GOLGA6L26: variants seen among roughly 807,000 people sequenced by gnomAD.
GOLGA6L26 encodes golgin subfamily A member 6-like protein 26.
At chr15:23,332,809 CAGAA>C in the GOLGA6L26 span, among the ~76,000 whole-genome samples, 1 of 30,444 alleles carries the variant, frequency 3.3e-5, no homozygotes, top group Non-Finnish European at 6.4e-5. Context: ...GGGAATTTAA[CAGAA>C]AGAGGACAAC....
the GOLGA6L26 span, chr15:23,327,365 A>G: frequency 3.7e-6 from 3 of 815,928 alleles, no homozygotes; most frequent in South Asian, 3.2e-5. Context: ...CTGCTCCCTT[A>G]TCTTCTCCTC....
chr15:23,334,186 G>A, the GOLGA6L26 span: 24 of 297,976 alleles, frequency 8.1e-5, no homozygotes, highest in Non-Finnish European at 1.3e-4. Flanking sequence ...CCTCTACGTC[G>A]CTGTGTGACT....
At chr15:23,327,641 C>G in the GOLGA6L26 span, 1 of 216,750 alleles carries the variant, frequency 4.6e-6, no homozygotes, top group South Asian at 4.2e-5. Context: ...CTCCTGCTCC[C>G]GTATCTTCTC....
chr15:23,327,383 C>G, the GOLGA6L26 span: 1 of 590,988 alleles, frequency 1.7e-6, no homozygotes, highest in Non-Finnish European at 2.8e-6. Context: ...CTCCTGCCTC[C>G]ACATCTTCTC....
At chr15:23,329,523 T>TTTC in the GOLGA6L26 span, among the ~76,000 whole-genome samples, 1 of 4,268 alleles carries the variant, frequency 2.3e-4, no homozygotes, top group African/African-American at 4.1e-4. Flanking sequence ...TCTTTCTTTC[T>TTTC]TTTTTTTTTT....
the GOLGA6L26 span, chr15:23,327,386 A>G: frequency 3.5e-6 from 2 of 576,390 alleles, no homozygotes; most frequent in East Asian, 2.9e-5. Flanking sequence ...CTGCCTCCAC[A>G]TCTTCTCCTC....
the GOLGA6L26 span, chr15:23,327,406 T>TATCTTCTCCTCCTGGTCGTGC: frequency 1.4e-5 from 5 of 352,262 alleles, 1 homozygote; most frequent in Non-Finnish European, 2.0e-5. Flanking sequence ...CCTGCTCCCG[T>TATCTTCTCCTCCTGGTCGTGC]ATCTTCTCCT....
At chr15:23,327,366 T>C in the GOLGA6L26 span, 2 of 817,960 alleles carry the variant, frequency 2.4e-6, no homozygotes, top group South Asian at 1.6e-5. Context: ...TGCTCCCTTA[T>C]CTTCTCCTCC....
At chr15:23,334,172 G>T in the GOLGA6L26 span, 1 of 417,918 alleles carries the variant, frequency 2.4e-6, no homozygotes, top group Non-Finnish European at 3.9e-6. Context: ...TATACCTCCA[G>T]TCACCTCTAC....
At chr15:23,329,522 CTTTTTT>C in the GOLGA6L26 span, among the ~76,000 whole-genome samples, 1 of 5,972 alleles carries the variant, frequency 1.7e-4, no homozygotes, top group African/African-American at 2.9e-4. Context: ...TTCTTTCTTT[CTTTTTT>C]TTTTTTTTTT....
At chr15:23,332,292 ATTAT>A in the GOLGA6L26 span, 7 of 785,644 alleles carry the variant, frequency 8.9e-6, no homozygotes, top group Non-Finnish European at 1.3e-5. Flanking sequence ...GGTTAGTGCC[ATTAT>A]TTATTTTCTT....
At chr15:23,327,408 T>C in the GOLGA6L26 span, 1 of 515,250 alleles carries the variant, frequency 1.9e-6, no homozygotes, top group East Asian at 3.0e-5. Context: ...TGCTCCCGTA[T>C]CTTCTCCTCC....
the GOLGA6L26 span, chr15:23,327,369 TCTC>T: frequency 1.2e-6 from 1 of 801,670 alleles, no homozygotes; most frequent in Non-Finnish European, 1.9e-6. Flanking sequence ...TCCCTTATCT[TCTC>T]CTCCTGCCTC....
chr15:23,327,323 A>G, the GOLGA6L26 span: 5 of 954,804 alleles, frequency 5.2e-6, 1 homozygote, highest in East Asian at 2.7e-5. Flanking sequence ...CTGCTCCCGT[A>G]TCTTCTCCTC....
At chr15:23,333,207 C>CA in the GOLGA6L26 span, among the ~76,000 whole-genome samples, 13 of 144,348 alleles carry the variant, frequency 9.0e-5, no homozygotes, top group African/African-American at 2.0e-4. Context: ...CATTGCCACC[C>CA]AGAGACACTG....
At chr15:23,327,866 A>G in the GOLGA6L26 span, 1 of 13,734 alleles carries the variant, frequency 7.3e-5, no homozygotes, top group Non-Finnish European at 1.2e-4. Context: ...CTTCTCCCAC[A>G]TCATCTCCTC....
the GOLGA6L26 span, chr15:23,327,801 G>T: frequency 2.0e-5 from 1 of 49,424 alleles, no homozygotes; most frequent in South Asian, 1.3e-4. Context: ...TCCAGCTCCC[G>T]TATCTTCTCC....
the GOLGA6L26 span, among the ~76,000 whole-genome samples, chr15:23,328,441 CG>C: frequency 4.4e-5 from 1 of 22,738 alleles, no homozygotes; most frequent in East Asian, 1.3e-3. Context: ...GGCGTGAAGC[CG>C]GGGGGTGGAG....
the GOLGA6L26 span, chr15:23,326,943 C>T: frequency 3.9e-6 from 1 of 253,822 alleles, no homozygotes; most frequent in Non-Finnish European, 7.1e-6. Flanking sequence ...ACCTGGTGTT[C>T]CTGCATCTTC....
Sources: gnomAD v4.1 joint callset for allele counts (sites outside exome capture counted in the v4.1 genomes callset) on GRCh38, gnomAD v4.1.1 for gene constraint, MANE v1.5 for transcripts, NCBI Gene and HGNC (gene_info 2026-07-23, HGNC 2026-07-21) for gene names.